NKAIN2: variants seen among roughly 807,000 people sequenced by gnomAD.
NKAIN2 encodes sodium/potassium transporting ATPase interacting 2.
Under a neutral mutation model 32.6 loss-of-function variants are expected in NKAIN2, and 14 were observed. The observed-to-expected ratio is 0.43, with a 90% confidence interval of 0.28 to 0.67. The LOEUF is 0.67. NKAIN2 is among the 30% of genes least tolerant of loss of function. NKAIN2 has a pLI of 0.17. For synonymous variants in NKAIN2, 80 were observed against 87.2 expected (o/e 0.92, Z 0.46); for missense variants, 198 against 258.3 (o/e 0.77, Z 1.60).
intron 1 of NKAIN2, among the ~76,000 whole-genome samples, chr6:123,967,447 G>T (rs1778135413): frequency 6.6e-6 from 1 of 152,174 alleles, no homozygotes; most frequent in Non-Finnish European, 1.5e-5. Context: ...TCTGTAGTTA[G>T]ACTTACAACT....
chr6:124,002,704 C>A (rs775303515), intron 1 of NKAIN2, among the ~76,000 whole-genome samples: 1 of 152,112 alleles, frequency 6.6e-6, no homozygotes, highest in East Asian at 1.9e-4. Context: ...CTTTCTTTTA[C>A]GCCTTTATTG....
chr6:124,091,340 C>T (rs1390636440), intron 1 of NKAIN2, among the ~76,000 whole-genome samples: 1 of 151,906 alleles, frequency 6.6e-6, no homozygotes, highest in African/African-American at 2.4e-5. Flanking sequence ...CAAGAATCTT[C>T]TTTTAATTAT....
chr6:123,804,097 C>G lies in NKAIN2; in HGVS notation c.-104C>G. On this transcript the variant is annotated 5_prime_UTR_variant, in exon 1 of 7. Transcript: ENST00000368417. ...AGCAGCAGCCCGGAGCCCCCGAGCCCTCGGCAGGTTTGCGTGTCCTTCCCC... is the reference window on the plus strand; with the variant it reads ...AGCAGCAGCCCGGAGCCCCCGAGCCGTCGGCAGGTTTGCGTGTCCTTCCCC... 1 of 1,052,348 alleles carries G rather than the reference C, an allele frequency of 9.5e-7. No homozygotes were observed. 65.2% of individuals were successfully genotyped at this position (1,052,348 alleles called of 1,614,324 possible).
intron 1 of NKAIN2, among the ~76,000 whole-genome samples, chr6:124,282,439 C>T (rs1208352162): frequency 6.7e-6 from 1 of 149,672 alleles, no homozygotes; most frequent in Non-Finnish European, 1.5e-5. Flanking sequence ...CGTCAAAGTC[C>T]TTCATTTCAC....
At chr6:124,662,458 G>A (rs1011272117) in intron 4 of NKAIN2, among the ~76,000 whole-genome samples, 6 of 152,132 alleles carry the variant, frequency 3.9e-5, no homozygotes, top group African/African-American at 1.4e-4. Flanking sequence ...TTAAAGTCAA[G>A]TTCTCCTTCG....
In NKAIN2 at chr6:124,112,783, G is replaced by A. The variant is rs540407331; in HGVS notation, c.55-170222G>A. Among the ~76,000 whole-genome samples the A allele has an allele frequency of 6.0e-5, 9 of 149,946 alleles. No individual in the cohort carries two copies. In the East Asian group the frequency reaches 7.9e-4, roughly 13 times the overall value. On this transcript the variant is annotated intron_variant, in intron 1 of 6. Transcript: ENST00000368417. ...TCTTTTTTTCTCTTTTTACTCCTCC[G>A]AGTTATTTCCAGTGACTTCTATTCC...
chr6:124,350,283 G>T (rs973373679), intron 2 of NKAIN2, among the ~76,000 whole-genome samples: 23 of 152,144 alleles, frequency 1.5e-4, no homozygotes, highest in African/African-American at 5.6e-4. Context: ...AATTTTAAGA[G>T]CAGGGTTTAT....
At chr6:123,854,798 A>G (rs1775494571) in intron 1 of NKAIN2, among the ~76,000 whole-genome samples, 1 of 152,222 alleles carries the variant, frequency 6.6e-6, no homozygotes, top group Non-Finnish European at 1.5e-5. Context: ...CTGTGATGGA[A>G]TCAGAAGGTC....
intron 1 of NKAIN2, among the ~76,000 whole-genome samples, chr6:123,845,733 G>C (rs1381102371): frequency 6.6e-6 from 1 of 152,130 alleles, no homozygotes; most frequent in Non-Finnish European, 1.5e-5. Context: ...ATACACAGGA[G>C]GTCCTGGAAC....
At chr6:124,674,437 G>T (rs1330940143) in intron 4 of NKAIN2, among the ~76,000 whole-genome samples, 2 of 151,870 alleles carry the variant, frequency 1.3e-5, no homozygotes, top group Non-Finnish European at 2.9e-5. Flanking sequence ...TGAATCTGTA[G>T]ATTGTTTCCG....
chr6:124,743,126 T>C (rs1475336667), intron 4 of NKAIN2, among the ~76,000 whole-genome samples: 1 of 151,756 alleles, frequency 6.6e-6, no homozygotes, highest in Non-Finnish European at 1.5e-5. Context: ...GACGCTGGAG[T>C]CAGATCACCT....
At chr6:124,041,181 C>T (rs1457278541) in intron 1 of NKAIN2, among the ~76,000 whole-genome samples, 1 of 151,924 alleles carries the variant, frequency 6.6e-6, no homozygotes, top group African/African-American at 2.4e-5. Context: ...ATCTATTGAG[C>T]TTTCTTTAGC....
chr6:124,536,127 C>T (rs1471473), intron 3 of NKAIN2, among the ~76,000 whole-genome samples: 2,003 of 152,194 alleles, frequency 0.013, 49 homozygotes, highest in African/African-American at 0.046. Flanking sequence ...AAAATTCAAA[C>T]GCCCAAGTAA....
At chr6:124,739,738 C>G (rs1562356711) in intron 4 of NKAIN2, among the ~76,000 whole-genome samples, 1 of 151,868 alleles carries the variant, frequency 6.6e-6, no homozygotes, top group Non-Finnish European at 1.5e-5. Context: ...AGAGTGAGCA[C>G]TGCATCAACC....
chr6:124,721,660 G>A (rs187577368), intron 4 of NKAIN2, among the ~76,000 whole-genome samples: 4 of 152,092 alleles, frequency 2.6e-5, no homozygotes, highest in Admixed American at 2.6e-4. Flanking sequence ...ATTCCAAGAA[G>A]TCTTTTTATC....
intron 1 of NKAIN2, among the ~76,000 whole-genome samples, chr6:124,225,123 TA>T (rs929698732): frequency 1.2e-4 from 18 of 152,120 alleles, no homozygotes; most frequent in African/African-American, 4.3e-4. Context: ...TGTCTACTCA[TA>T]AAAAATAAAG....
At chr6:124,786,592 C>T (rs1454143639) in intron 4 of NKAIN2, among the ~76,000 whole-genome samples, 1 of 151,956 alleles carries the variant, frequency 6.6e-6, no homozygotes, top group Non-Finnish European at 1.5e-5. Flanking sequence ...TCATTTCCTT[C>T]CAGTCAGTGA....
chr6:124,520,317 A>G (rs890986599), intron 3 of NKAIN2, among the ~76,000 whole-genome samples: 2 of 152,144 alleles, frequency 1.3e-5, no homozygotes, highest in African/African-American at 2.4e-5. Flanking sequence ...CTTGATTTAA[A>G]TGTTTTGTTT....
chr6:124,722,644 A>C (rs1776080133), intron 4 of NKAIN2, among the ~76,000 whole-genome samples: 2 of 152,180 alleles, frequency 1.3e-5, no homozygotes, highest in South Asian at 2.1e-4. Flanking sequence ...TCAGATCATA[A>C]TGTAATGCTC....
Sources: allele counts gnomAD v4.1 joint callset (sites outside exome capture counted in the v4.1 genomes callset), GRCh38; gene constraint gnomAD v4.1.1; transcripts MANE v1.5; gene names NCBI Gene and HGNC (gene_info 2026-07-23, HGNC 2026-07-21).